The following CIT variants were observed in gnomAD, a reference collection of about 807,000 sequenced individuals.
CIT encodes the protein citron rho-interacting serine/threonine kinase, also known as citron Rho-interacting kinase.
CIT carries 79 observed loss-of-function variants against 272.7 expected under a neutral mutation model. That is an observed-to-expected ratio of 0.29 (90% confidence interval 0.24 to 0.35). The LOEUF is 0.35. CIT is among the 10% of genes least tolerant of loss of function. CIT has a pLI of 1.00. For missense variants in CIT, 1,909 were observed against 2,618.3 expected, an observed-to-expected ratio of 0.73 and a Z score of 5.91; for synonymous variants, 948 against 995.6, an observed-to-expected ratio of 0.95 and a Z score of 0.90.
At position 119,850,375 on chromosome 12, in the gene CIT, T is replaced by TAAAA. The variant is rs34256172; in HGVS notation, c.415-104_415-101dup. ...ATGCCTAAACTGATGTTTCTAGCTTTAAAAAAAAAAAAAGGCAAAGGAAAG... is the reference window on the plus strand; with the variant it reads ...ATGCCTAAACTGATGTTTCTAGCTTTAAAAAAAAAAAAAAAAAGGCAAAGGAAAG... On this transcript the variant is annotated intron_variant, in intron 4 of 47. Coordinates refer to ENST00000392521, the MANE Select transcript of CIT (RefSeq NM_001206999.2). 666 of 281,706 alleles carry TAAAA rather than the reference T, an allele frequency of 2.4e-3. 3 individuals carry two copies. Among genetic ancestry groups the TAAAA allele is most frequent in the African/African-American group, 0.014 (566 of 39,588 alleles). The allele number at this position is 281,706 out of a possible 1,614,324, so 17.5% of individuals were successfully genotyped here.
intron 13 of CIT, among the ~76,000 whole-genome samples, chr12:119,779,285 G>T (rs1354110333): frequency 6.6e-6 from 1 of 151,958 alleles, no homozygotes; most frequent in Non-Finnish European, 1.5e-5. Context: ...TGGAATATCG[G>T]TTTTTCTGGA....
At chr12:119,800,469 G>A (rs1422672393) in intron 10 of CIT, among the ~76,000 whole-genome samples, 1 of 152,154 alleles carries the variant, frequency 6.6e-6, no homozygotes, top group Non-Finnish European at 1.5e-5. Flanking sequence ...AAAAAACGAG[G>A]AGCTATCACA....
intron 29 of CIT, 104 bp from the exon 30 acceptor site, chr12:119,720,689 A>T (rs1957777189): frequency 1.4e-6 from 1 of 739,250 alleles, no homozygotes; most frequent in Non-Finnish European, 2.2e-6. Context: ...ACACTAATAT[A>T]TGAAAATCCA....
At chr12:119,729,725 T>A (rs1009409986) in intron 27 of CIT, among the ~76,000 whole-genome samples, 3 of 152,250 alleles carry the variant, frequency 2.0e-5, no homozygotes, top group African/African-American at 7.2e-5. Flanking sequence ...GTGGTTTCTA[T>A]ATTTTCCACA....
intron 5 of CIT, among the ~76,000 whole-genome samples, chr12:119,842,511 C>G (rs1373021173): frequency 6.6e-6 from 1 of 151,102 alleles, no homozygotes; most frequent in East Asian, 1.9e-4. Context: ...CAGAATTGAA[C>G]AGATTTCTTC....
intron 13 of CIT, 42 bp from the exon 14 acceptor site, chr12:119,776,884 C>A (rs775591501): frequency 1.9e-5 from 30 of 1,596,900 alleles, no homozygotes; most frequent in Non-Finnish European, 2.6e-5. Context: ...TTTCGAACTC[C>A]GAAAAGAATA....
chr12:119,824,598 G>A (rs1209093080), intron 8 of CIT, among the ~76,000 whole-genome samples: 1 of 152,114 alleles, frequency 6.6e-6, no homozygotes, highest in Admixed American at 6.6e-5. Context: ...AATAGCCTTT[G>A]GCACAGAGTT....
At chr12:119,825,707 AT>A (rs1968109206) in intron 7 of CIT, among the ~76,000 whole-genome samples, 1 of 152,228 alleles carries the variant, frequency 6.6e-6, no homozygotes. Context: ...AACTTCTCTT[AT>A]GATAACAGCA....
chr12:119,707,192 GCACATGCAAACACA>G (rs1382332219), intron 40 of CIT, among the ~76,000 whole-genome samples: 2 of 151,884 alleles, frequency 1.3e-5, no homozygotes, highest in Non-Finnish European at 2.9e-5. Flanking sequence ...ACATACACAC[GCACATGCAAACACA>G]CTTATTTTTA....
At chr12:119,692,212 G>T (rs1214239954) in intron 46 of CIT, among the ~76,000 whole-genome samples, 1 of 152,186 alleles carries the variant, frequency 6.6e-6, no homozygotes, top group Non-Finnish European at 1.5e-5. Flanking sequence ...TATTAGGAAG[G>T]CTAAGGAAGG....
At chr12:119,862,051 A>G (rs543668919) in intron 3 of CIT, among the ~76,000 whole-genome samples, 1 of 152,252 alleles carries the variant, frequency 6.6e-6, no homozygotes, top group East Asian at 1.9e-4. Flanking sequence ...CCCTGGCTGG[A>G]GTGCAGTGGC....
At chr12:119,810,636 G>T (rs780850587) in intron 9 of CIT, among the ~76,000 whole-genome samples, 1 of 149,594 alleles carries the variant, frequency 6.7e-6, no homozygotes, top group African/African-American at 2.5e-5. Flanking sequence ...CCGGGAGACA[G>T]AGGTTGCAAT....
chr12:119,714,452 C>A, intron 32 of CIT, 118 bp from the exon 33 acceptor site: 1 of 1,042,962 alleles, frequency 9.6e-7, no homozygotes, highest in Non-Finnish European at 1.4e-6. Context: ...TGATAAGGGA[C>A]TCATATCTAG....
chr12:119,726,445 T>A (rs955037245), intron 28 of CIT, among the ~76,000 whole-genome samples: 6 of 141,986 alleles, frequency 4.2e-5, no homozygotes, highest in Non-Finnish European at 7.6e-5. Flanking sequence ...TTGCCTATAC[T>A]GGTCTCAAAC....
chr12:119,857,390 C>G, intron 4 of CIT, 133 bp downstream of exon 4: 5 of 876,632 alleles, frequency 5.7e-6, no homozygotes, highest in Non-Finnish European at 8.4e-6. Flanking sequence ...ACCTTTTTGC[C>G]CCAACTATAA....
chr12:119,854,128 A>G (rs941456651), intron 4 of CIT, among the ~76,000 whole-genome samples: 1 of 151,952 alleles, frequency 6.6e-6, no homozygotes, highest in Non-Finnish European at 1.5e-5. Flanking sequence ...CCCAGATTCA[A>G]GCAATTCTCC....
intron 5 of CIT, among the ~76,000 whole-genome samples, chr12:119,843,925 G>A (rs2138199438): frequency 6.6e-6 from 1 of 152,158 alleles, no homozygotes; most frequent in East Asian, 1.9e-4. Flanking sequence ...GGACTGTACG[G>A]TACCGATATA....
intron 40 of CIT, among the ~76,000 whole-genome samples, chr12:119,707,921 A>G (rs772556210): frequency 1.3e-5 from 2 of 152,204 alleles, no homozygotes; most frequent in Non-Finnish European, 2.9e-5. Flanking sequence ...TAATTATTTC[A>G]AAAAGACTAT....
intron 10 of CIT, 47 bp downstream of exon 10, chr12:119,803,159 G>T: frequency 6.5e-6 from 2 of 307,870 alleles, no homozygotes; most frequent in Non-Finnish European, 9.8e-6. Flanking sequence ...GGCTCCAAAA[G>T]CCTTGCATCA....
Sources: gnomAD v4.1 joint callset for allele counts (sites outside exome capture counted in the v4.1 genomes callset) on GRCh38, gnomAD v4.1.1 for gene constraint, MANE v1.5 for transcripts, NCBI Gene and HGNC (gene_info 2026-07-23, HGNC 2026-07-21) for gene names.